TMEM45B: variants seen among roughly 807,000 people sequenced by gnomAD.
The protein encoded by TMEM45B is transmembrane protein 45B.
TMEM45B carries 29 observed loss-of-function variants against 27.3 expected under a neutral mutation model. The ratio of observed to expected loss-of-function variants is 1.06; its 90% CI spans 0.79 to 1.45. The LOEUF (loss-of-function observed/expected upper bound fraction) is 1.45, where lower values mean the gene tolerates loss of function less well. Ranked by LOEUF, TMEM45B falls within the 40% of genes most tolerant of loss-of-function variation. The pLI is 0.00. For synonymous variants in TMEM45B, 143 were observed against 134.7 expected (o/e 1.06, Z -0.43); for missense variants, 348 against 343.9 (o/e 1.01, Z -0.09).
rs374842112 is a variant in TMEM45B, at chr11:129,852,480, C to G, written c.-3C>G. 3 of 1,588,054 alleles carry G rather than the reference C, an allele frequency of 1.9e-6. No individual in the cohort carries two copies. Among genetic ancestry groups the G allele is most frequent in the Non-Finnish European group, 2.6e-6 (3 of 1,160,208 alleles). ...GCCTTCCCCTAATTTTTTAGGTGTC[C>G]TGATGGCAAATTTCAAGGGCCACGC... On this transcript the variant is annotated 5_prime_UTR_variant, in exon 2 of 6. Coordinates refer to ENST00000281441, the MANE Select transcript of TMEM45B (RefSeq NM_138788.5).
chr11:129,851,874 A>G (rs951654762), intron 1 of TMEM45B, among the ~76,000 whole-genome samples: 18 of 152,272 alleles, frequency 1.2e-4, no homozygotes, highest in African/African-American at 4.3e-4. Context: ...CACCACACCA[A>G]AACTTTATAA....
chr11:129,848,619 G>C (rs1947802248), intron 1 of TMEM45B, among the ~76,000 whole-genome samples: 1 of 152,190 alleles, frequency 6.6e-6, no homozygotes, highest in Non-Finnish European at 1.5e-5. Context: ...GGTGCTAGAG[G>C]GACGGGCCTG....
intron 1 of TMEM45B, among the ~76,000 whole-genome samples, chr11:129,839,008 ACT>A (rs1394093314): frequency 6.6e-6 from 1 of 151,342 alleles, no homozygotes. Context: ...CTCTTCTGTG[ACT>A]CTGCTTCCCT....
At chr11:129,825,015 C>G (rs1318086801) in intron 1 of TMEM45B, among the ~76,000 whole-genome samples, 1 of 152,116 alleles carries the variant, frequency 6.6e-6, no homozygotes, top group Non-Finnish European at 1.5e-5. Context: ...ATACCCAATG[C>G]AAGGGGACGT....
intron 1 of TMEM45B, among the ~76,000 whole-genome samples, chr11:129,848,179 A>G (rs1390647214): frequency 6.6e-6 from 1 of 151,796 alleles, no homozygotes; most frequent in Non-Finnish European, 1.5e-5. Context: ...TGGGAGGTGG[A>G]GGTTGTAGCC....
chr11:129,833,640 T>C (rs1947581183), intron 1 of TMEM45B, among the ~76,000 whole-genome samples: 1 of 151,948 alleles, frequency 6.6e-6, no homozygotes, highest in Non-Finnish European at 1.5e-5. Flanking sequence ...CCAGGCATGG[T>C]GGCGGACACC....
intron 1 of TMEM45B, among the ~76,000 whole-genome samples, chr11:129,840,930 A>C (rs946582511): frequency 1.6e-5 from 2 of 125,900 alleles, no homozygotes; most frequent in African/African-American, 5.8e-5. Context: ...ACAAAGAGGC[A>C]GGCAATTTCT....
intron 1 of TMEM45B, among the ~76,000 whole-genome samples, chr11:129,833,253 A>AAT (rs2135567886): frequency 2.2e-5 from 3 of 137,560 alleles, no homozygotes; most frequent in Non-Finnish European, 4.8e-5. Flanking sequence ...AAATAAACAG[A>AAT]AAAATAAAAA....
At chr11:129,832,903 T>C (rs1947568219) in intron 1 of TMEM45B, among the ~76,000 whole-genome samples, 1 of 151,912 alleles carries the variant, frequency 6.6e-6, no homozygotes, top group Admixed American at 6.6e-5. Context: ...CACCTGAGAG[T>C]TATTTTTCGT....
Position 129,856,922 on chromosome 11 carries a change from G to A in TMEM45B, c.571-391G>A, listed in dbSNP as rs577177701. Among the ~76,000 whole-genome samples, 288 of 149,666 alleles carry A rather than the reference G, an allele frequency of 1.9e-3. 1 individual carries two copies. The highest frequency in any genetic ancestry group is 6.3e-3 in the African/African-American group (255 of 40,494). Reference sequence around the variant, plus strand: ...GGCTGGTGTGCAGTGTCATGATCTCGGCTCACTGCAACCTCCGCCTCCCAG... The same window carrying A: ...GGCTGGTGTGCAGTGTCATGATCTCAGCTCACTGCAACCTCCGCCTCCCAG... On this transcript the variant is annotated intron_variant, in intron 4 of 5. Transcript: ENST00000281441.
chr11:129,826,055 A>G (rs1947474371), intron 1 of TMEM45B, among the ~76,000 whole-genome samples: 1 of 151,798 alleles, frequency 6.6e-6, no homozygotes, highest in Non-Finnish European at 1.5e-5. Context: ...TTTCACTCTA[A>G]TGTATGCTGA....
In TMEM45B at chr11:129,855,309, CG is replaced by C. The variant is rs1248169389; in HGVS notation, c.386-398del. Among the ~76,000 whole-genome samples, 253 of 152,214 alleles carry C rather than the reference CG, an allele frequency of 1.7e-3. 1 individual carries two copies. Among genetic ancestry groups the C allele is most frequent in the African/African-American group, 5.7e-3 (238 of 41,516 alleles). On this transcript the variant is annotated intron_variant, in intron 3 of 5. Transcript: ENST00000281441. Reference sequence around the variant, plus strand: ...GAGACCCACTCCACTGCCAGGGGAGCGCTGCCAGTATGACTCACACTGACTG... The same window carrying C: ...GAGACCCACTCCACTGCCAGGGGAGCCTGCCAGTATGACTCACACTGACTG...
chr11:129,828,454 C>A (rs1947512171), intron 1 of TMEM45B, among the ~76,000 whole-genome samples: 1 of 152,154 alleles, frequency 6.6e-6, no homozygotes, highest in Non-Finnish European at 1.5e-5. Context: ...GCCCCTGAGC[C>A]CACTGTAGAG....
chr11:129,835,284 A>G (rs1947606504), intron 1 of TMEM45B, among the ~76,000 whole-genome samples: 1 of 152,226 alleles, frequency 6.6e-6, no homozygotes, highest in Non-Finnish European at 1.5e-5. Flanking sequence ...CCTGTCTGAA[A>G]AGATGGCCAA....
At chr11:129,854,903 C>A in intron 3 of TMEM45B, 87 bp downstream of exon 3, 1 of 1,477,986 alleles carries the variant, frequency 6.8e-7, no homozygotes, top group South Asian at 1.2e-5. Flanking sequence ...AGAAATGTTG[C>A]AAATATAATA....
chr11:129,823,008 T>C (rs1262876142), intron 1 of TMEM45B, among the ~76,000 whole-genome samples: 3 of 151,874 alleles, frequency 2.0e-5, no homozygotes, highest in African/African-American at 4.8e-5. Context: ...GCCCAGCTAA[T>C]TTTTGTATTT....
At chr11:129,821,717 C>T (rs1417525417) in intron 1 of TMEM45B, among the ~76,000 whole-genome samples, 5 of 152,222 alleles carry the variant, frequency 3.3e-5, no homozygotes, top group East Asian at 1.9e-4. Context: ...TACTTTCTTA[C>T]GGTGCTGTTG....
intron 1 of TMEM45B, among the ~76,000 whole-genome samples, chr11:129,825,341 T>C (rs1381631482): frequency 2.0e-5 from 3 of 152,114 alleles, no homozygotes; most frequent in Non-Finnish European, 4.4e-5. Flanking sequence ...GCTTTCTGGG[T>C]GACTGGACAT....
intron 1 of TMEM45B, among the ~76,000 whole-genome samples, chr11:129,817,053 G>T (rs1947361692): frequency 6.6e-6 from 1 of 151,976 alleles, no homozygotes; most frequent in South Asian, 2.1e-4. Context: ...GCTAGAAATG[G>T]CCACTTCTTT....
Sources: allele counts gnomAD v4.1 joint callset (sites outside exome capture counted in the v4.1 genomes callset), GRCh38; gene constraint gnomAD v4.1.1; transcripts MANE v1.5; gene names NCBI Gene and HGNC (gene_info 2026-07-23, HGNC 2026-07-21).